Variants in OR1J2 observed in about 807,000 individuals in gnomAD.
OR1J2 encodes olfactory receptor 1J2.
For synonymous variants in OR1J2, 142 were observed against 99.7 expected (o/e 1.42, Z -2.52); for missense variants, 304 against 246.1 (o/e 1.24, Z -1.57).
the OR1J2 span, among the ~76,000 whole-genome samples, chr9:122,459,089 T>C: frequency 6.6e-6 from 1 of 152,204 alleles, no homozygotes; most frequent in Admixed American, 6.5e-5. Context: ...ATTATTTCAC[T>C]TAACACAATA....
At chr9:122,552,073 T>TCACA in the OR1J2 span, among the ~76,000 whole-genome samples, 1 of 142,396 alleles carries the variant, frequency 7.0e-6, no homozygotes, top group Non-Finnish European at 1.5e-5. Flanking sequence ...TCTCTCTCTC[T>TCACA]CTCTCTCACA....
the OR1J2 span, among the ~76,000 whole-genome samples, chr9:122,575,360 T>A: frequency 6.6e-6 from 1 of 152,134 alleles, no homozygotes. Flanking sequence ...TTGAGTCAAT[T>A]TCTTTTATAG....
chr9:122,510,523 C>T (rs1387225204), upstream of OR1J2, among the ~76,000 whole-genome samples: 1 of 151,850 alleles, frequency 6.6e-6, no homozygotes, highest in East Asian at 1.9e-4. Context: ...TTCTGGGGTA[C>T]ATGTGCAGGA....
At chr9:122,530,267 T>C in the OR1J2 span, among the ~76,000 whole-genome samples, 1 of 152,148 alleles carries the variant, frequency 6.6e-6, no homozygotes, top group African/African-American at 2.4e-5. Flanking sequence ...CTGGGACACA[T>C]TGCACTGTGA....
At chr9:122,487,238 GATT>G in the OR1J2 span, among the ~76,000 whole-genome samples, 84 of 152,198 alleles carry the variant, frequency 5.5e-4, no homozygotes, top group South Asian at 4.2e-4. Context: ...TAAAAATGCA[GATT>G]ATTATTATTT....
the OR1J2 span, among the ~76,000 whole-genome samples, chr9:122,540,724 G>T: frequency 6.6e-6 from 1 of 152,112 alleles, no homozygotes; most frequent in Non-Finnish European, 1.5e-5. Context: ...CCATTTTCAC[G>T]ATATTGATTC....
At chr9:122,575,605 G>A in the OR1J2 span, among the ~76,000 whole-genome samples, 1 of 152,120 alleles carries the variant, frequency 6.6e-6, no homozygotes, top group Non-Finnish European at 1.5e-5. Flanking sequence ...TAGTCAGCAT[G>A]GTTAGAAGCT....
At chr9:122,494,534 A>C in the OR1J2 span, among the ~76,000 whole-genome samples, 2 of 152,242 alleles carry the variant, frequency 1.3e-5, no homozygotes, top group East Asian at 3.9e-4. Flanking sequence ...TTTGCATGGA[A>C]TATCTTTTCT....
At chr9:122,522,883 C>T in the OR1J2 span, among the ~76,000 whole-genome samples, 1 of 152,150 alleles carries the variant, frequency 6.6e-6, no homozygotes, top group Admixed American at 6.5e-5. Flanking sequence ...CGTAATAACA[C>T]CACGAATAGT....
the OR1J2 span, chr9:122,519,054 A>T: frequency 1.1e-6 from 1 of 905,054 alleles, no homozygotes. Context: ...CAAGGATCTT[A>T]TTCTTATCTG....
chr9:122,451,016 C>G, the OR1J2 span, among the ~76,000 whole-genome samples: 6 of 151,948 alleles, frequency 3.9e-5, no homozygotes, highest in African/African-American at 1.5e-4. Context: ...ACCATGAGGA[C>G]CATATTATTC....
At chr9:122,536,777 G>C in the OR1J2 span, among the ~76,000 whole-genome samples, 1 of 152,160 alleles carries the variant, frequency 6.6e-6, no homozygotes, top group Non-Finnish European at 1.5e-5. Flanking sequence ...TCTTCTGTGT[G>C]TGGATAGCCA....
At chr9:122,538,507 C>T in the OR1J2 span, among the ~76,000 whole-genome samples, 6 of 152,112 alleles carry the variant, frequency 3.9e-5, no homozygotes, top group South Asian at 2.1e-4. Flanking sequence ...ACTGAAGTCG[C>T]TTATCAGATC....
chr9:122,557,482 T>C, the OR1J2 span, among the ~76,000 whole-genome samples: 1 of 152,100 alleles, frequency 6.6e-6, no homozygotes, highest in South Asian at 2.1e-4. Flanking sequence ...AGTTGTTCTT[T>C]AGTCTATTGA....
At chr9:122,577,771 AG>A in the OR1J2 span, among the ~76,000 whole-genome samples, 3 of 152,214 alleles carry the variant, frequency 2.0e-5, no homozygotes, top group African/African-American at 7.2e-5. Flanking sequence ...CAAAGGAAAC[AG>A]TTGAAAGTGG....
chr9:122,461,391 T>C, the OR1J2 span, among the ~76,000 whole-genome samples: 1 of 142,154 alleles, frequency 7.0e-6, no homozygotes, highest in Non-Finnish European at 1.5e-5. Flanking sequence ...TCCTATCTTT[T>C]GTATTTTTTT....
the OR1J2 span, among the ~76,000 whole-genome samples, chr9:122,525,661 C>T: frequency 1.3e-5 from 2 of 152,094 alleles, no homozygotes; most frequent in East Asian, 3.9e-4. Context: ...GGTGGCATTG[C>T]ACGTTTCTGA....
chr9:122,568,212 T>C, the OR1J2 span: 27 of 1,614,100 alleles, frequency 1.7e-5, no homozygotes, highest in Non-Finnish European at 2.3e-5. Context: ...GGTCTTCTTT[T>C]CTGACAGGAA....
At chr9:122,562,820 A>T in the OR1J2 span, among the ~76,000 whole-genome samples, 1 of 152,100 alleles carries the variant, frequency 6.6e-6, no homozygotes, top group East Asian at 1.9e-4. Flanking sequence ...GACTAGGTTC[A>T]TCCATGCTGC....
Sources: gnomAD v4.1 joint callset for allele counts (sites outside exome capture counted in the v4.1 genomes callset) on GRCh38, gnomAD v4.1.1 for gene constraint, MANE v1.5 for transcripts, NCBI Gene and HGNC (gene_info 2026-07-23, HGNC 2026-07-21) for gene names.